Variants in MAGI1 observed in about 807,000 individuals in gnomAD.
MAGI1 encodes the protein membrane associated guanylate kinase, WW and PDZ domain containing 1.
In MAGI1, 58 loss-of-function variants were observed where a neutral mutation model predicts 139.9. The observed-to-expected ratio is 0.41, with a 90% CI of 0.34 to 0.52. The LOEUF is 0.52. Among genes scored for constraint, MAGI1 ranks in the 20% least tolerant of loss-of-function variants. The pLI is 0.12. For missense variants in MAGI1, 1,874 were observed against 1,901.6 expected (o/e 0.99, Z 0.27); for synonymous variants, 812 against 737.9 (o/e 1.10, Z -1.63).
At chr3:65,886,488 T>C (rs920997450) in intron 1 of MAGI1, among the ~76,000 whole-genome samples, 3 of 152,190 alleles carry the variant, frequency 2.0e-5, no homozygotes, top group Non-Finnish European at 2.9e-5. Context: ...GTTGAGCATA[T>C]GGCTGCCCTC....
intron 1 of MAGI1, among the ~76,000 whole-genome samples, chr3:65,860,514 C>T (rs986076992): frequency 6.6e-6 from 1 of 152,164 alleles, no homozygotes; most frequent in Non-Finnish European, 1.5e-5. Context: ...CGCGCGTTCC[C>T]CTCCCTCCGC....
chr3:65,473,133 T>C (rs1266994327), intron 4 of MAGI1, among the ~76,000 whole-genome samples: 1 of 152,112 alleles, frequency 6.6e-6, no homozygotes, highest in Non-Finnish European at 1.5e-5. Flanking sequence ...CCATAGTAGG[T>C]AGTTGCCAGC....
chr3:65,463,114 T>A (rs1047078606), intron 5 of MAGI1, among the ~76,000 whole-genome samples: 1 of 152,226 alleles, frequency 6.6e-6, no homozygotes, highest in Non-Finnish European at 1.5e-5. Flanking sequence ...GCTTTATTTC[T>A]TTCTCTTGCC....
chr3:65,957,132 GTAA>G (rs1275665771), intron 1 of MAGI1, among the ~76,000 whole-genome samples: 2 of 152,084 alleles, frequency 1.3e-5, no homozygotes, highest in Non-Finnish European at 2.9e-5. Flanking sequence ...ATAATAATTT[GTAA>G]TAGTCCAAAC....
chr3:65,379,387 C>G lies in MAGI1; in HGVS notation c.2869G>C (p.Gly957Arg). 1 of 1,612,552 alleles carries G rather than the reference C, an allele frequency of 6.2e-7. No individual in the cohort carries two copies. Among genetic ancestry groups the G allele is most frequent in the African/African-American group, 1.3e-5 (1 of 74,994 alleles). The change falls in exon 17 of 23, where the codon GGG becomes CGG. Residue 957 changes from glycine to arginine, a missense_variant. This residue lies in a region of MAGI1 where 482 missense variants were observed against 509.6 expected (regional missense o/e 0.95). Transcript: ENST00000402939. Reference sequence around the variant, plus strand: ...ACGGTGCTGACCACGCCGCTGCCCCCGCCGCCGCCACTGCCGATGCCGCTG... The same window carrying G: ...ACGGTGCTGACCACGCCGCTGCCCCGGCCGCCGCCACTGCCGATGCCGCTG... ...STSGIGSGGG[G>R]GSGVVSTVVQ... is the part of the protein sequence containing the mutation.
chr3:65,379,049 T>C (rs1188277429), intron 17 of MAGI1: 1 of 964,322 alleles, frequency 1.0e-6, no homozygotes, highest in Non-Finnish European at 1.5e-6. Context: ...ATTCTCAGTG[T>C]GGAAGTTGAA....
rs1559566214 is a variant in MAGI1 at position 65,453,244 on chromosome 3, G to T, written c.1042+14C>A. On this transcript the variant is annotated intron_variant, in intron 6 of 22. Coordinates refer to ENST00000402939, the MANE Select transcript of MAGI1 (RefSeq NM_001033057.2). ...CCCCAATTCACTTAACCCAAGACCT[G>T]CCTGGCCCCTTACCATCATCTTCAC... is the stretch of plus-strand genomic sequence containing the variant. The T allele has an allele frequency of 7.4e-6, 12 of 1,613,076 alleles. No individual in the cohort carries two copies. Among genetic ancestry groups the T allele is most frequent in the Middle Eastern group, 1.7e-4 (1 of 6,056 alleles).
chr3:65,423,575 T>C (rs556191258), intron 12 of MAGI1, among the ~76,000 whole-genome samples: 6 of 152,356 alleles, frequency 3.9e-5, no homozygotes, highest in Admixed American at 6.5e-5. Flanking sequence ...GCATAAGATA[T>C]AGTCTTCAAT....
At chr3:65,946,642 T>C (rs2063557814) in intron 1 of MAGI1, among the ~76,000 whole-genome samples, 1 of 152,026 alleles carries the variant, frequency 6.6e-6, no homozygotes, top group Non-Finnish European at 1.5e-5. Context: ...CCTCACTGTT[T>C]TGCAGTCATC....
chr3:65,959,171 G>A (rs1411739271), intron 1 of MAGI1, among the ~76,000 whole-genome samples: 1 of 152,142 alleles, frequency 6.6e-6, no homozygotes, highest in Non-Finnish European at 1.5e-5. Flanking sequence ...TTGTTTGACA[G>A]CCCCTTCCTT....
At chr3:65,871,096 G>A (rs116487795) in intron 1 of MAGI1, among the ~76,000 whole-genome samples, 12,114 of 151,826 alleles carry the variant, frequency 0.08, 646 homozygotes, top group Middle Eastern at 0.12. Context: ...ACACCACCAC[G>A]CCCAGCTAAT....
At chr3:65,490,861 A>AAAAAAAAAAG (rs1553652878) in intron 3 of MAGI1, among the ~76,000 whole-genome samples, 1 of 149,840 alleles carries the variant, frequency 6.7e-6, no homozygotes, top group African/African-American at 2.5e-5. Context: ...AAAAAAAGAA[A>AAAAAAAAAAG]AAAGAAAGAA....
chr3:65,587,609 T>C (rs1325530653), intron 2 of MAGI1, among the ~76,000 whole-genome samples: 1 of 151,204 alleles, frequency 6.6e-6, no homozygotes, highest in Non-Finnish European at 1.5e-5. Flanking sequence ...ACCTCTCAAG[T>C]AGCTAGGACT....
At chr3:65,803,555 T>C (rs1193278190) in intron 1 of MAGI1, among the ~76,000 whole-genome samples, 1 of 152,186 alleles carries the variant, frequency 6.6e-6, no homozygotes, top group Non-Finnish European at 1.5e-5. Context: ...TCTTTTTTGT[T>C]TTAATTTTAG....
chr3:65,429,558 G>T lies in MAGI1; in HGVS notation c.2129C>A (p.Pro710His). Reference sequence around the variant, plus strand: ...CAACAATGTGACCTCACTTCCCTTAGGACACTCAACCAGCATATCCACCAC... The same window carrying T: ...CAACAATGTGACCTCACTTCCCTTATGACACTCAACCAGCATATCCACCAC... ...NQVVDMLVEC[P>H]KGSEVTLLVQ... is the part of the protein sequence containing the mutation. The change falls in exon 12 of 23, where the codon CCT (proline) becomes CAT (histidine). Residue 710 changes from proline to histidine, a missense_variant. Pro to His is a moderately conservative substitution (Grantham distance 77). Around this residue, in one of 5 missense-constraint regions of MAGI1, gnomAD observed 482 missense variants for 509.6 expected, o/e 0.95. Transcript: ENST00000402939. The T allele has an allele frequency of 1.2e-6, 2 of 1,613,728 alleles. No individual in the cohort carries two copies. Among genetic ancestry groups the T allele is most frequent in the Non-Finnish European group, 1.7e-6 (2 of 1,179,832 alleles).
At chr3:65,800,422 T>G (rs1327552884) in intron 1 of MAGI1, among the ~76,000 whole-genome samples, 1 of 152,190 alleles carries the variant, frequency 6.6e-6, no homozygotes, top group Non-Finnish European at 1.5e-5. Context: ...GTGAATTTCT[T>G]TTTTATCCCC....
chr3:65,780,523 A>G (rs2038847271), intron 1 of MAGI1, among the ~76,000 whole-genome samples: 1 of 152,216 alleles, frequency 6.6e-6, no homozygotes, highest in South Asian at 2.1e-4. Context: ...TAACTTGCAT[A>G]TGTATTCACA....
chr3:65,535,842 C>G (rs1309369603), intron 2 of MAGI1, among the ~76,000 whole-genome samples: 3 of 152,166 alleles, frequency 2.0e-5, no homozygotes, highest in Admixed American at 6.5e-5. Context: ...AGCTTAAAGT[C>G]AAAATCACCC....
intron 1 of MAGI1, among the ~76,000 whole-genome samples, chr3:65,816,808 G>T (rs929303514): frequency 1.3e-5 from 2 of 152,116 alleles, no homozygotes; most frequent in Admixed American, 6.6e-5. Context: ...TAATGCAGAG[G>T]AAAGAAGAGA....
Sources: allele counts gnomAD v4.1 joint callset (sites outside exome capture counted in the v4.1 genomes callset), GRCh38; gene constraint gnomAD v4.1.1; regional missense constraint gnomAD v4.1.1; transcripts MANE v1.5; gene names NCBI Gene and HGNC (gene_info 2026-07-23, HGNC 2026-07-21).